PCSK5: variants seen among roughly 807,000 people sequenced by gnomAD.
PCSK5 encodes the protein proprotein convertase subtilisin/kexin type 5, also known as prohormone convertase 5.
PCSK5 carries 129 observed loss-of-function variants against 233.2 expected under a neutral mutation model. The ratio of observed to expected loss-of-function variants is 0.55; its 90% CI spans 0.48 to 0.64. The LOEUF is 0.64. Among genes scored for constraint, PCSK5 ranks in the 30% least tolerant of loss-of-function variants. The pLI, the probability that PCSK5 is intolerant of heterozygous loss-of-function variation, is 0.00. For synonymous variants in PCSK5, 825 were observed against 879.2 expected (o/e 0.94, Z 1.09); for missense variants, 2,076 against 2,430.1 (o/e 0.85, Z 3.06).
At chr9:76,046,428 G>A (rs1034858451) in intron 5 of PCSK5, among the ~76,000 whole-genome samples, 7 of 150,468 alleles carry the variant, frequency 4.7e-5, no homozygotes, top group Admixed American at 2.0e-4. Context: ...CGCCCGCCTC[G>A]GCCTCCCAAA....
intron 20 of PCSK5, among the ~76,000 whole-genome samples, chr9:76,204,737 C>T (rs1175130012): frequency 6.6e-6 from 1 of 152,156 alleles, no homozygotes; most frequent in Non-Finnish European, 1.5e-5. Context: ...GGCACAAATA[C>T]TAGCTCAGTA....
At chr9:76,111,342 CT>C (rs1832206619) in intron 9 of PCSK5, among the ~76,000 whole-genome samples, 1 of 152,110 alleles carries the variant, frequency 6.6e-6, no homozygotes, top group Non-Finnish European at 1.5e-5. Context: ...GTTGGAGCCT[CT>C]TTGGTTTGGG....
chr9:76,248,339 C>G (rs539833990), intron 24 of PCSK5, among the ~76,000 whole-genome samples: 2 of 152,052 alleles, frequency 1.3e-5, no homozygotes, highest in East Asian at 3.9e-4. Flanking sequence ...AAATGTAGGA[C>G]AATTAGAGCA....
At chr9:75,989,363 G>A (rs776077066) in intron 3 of PCSK5, among the ~76,000 whole-genome samples, 5 of 152,198 alleles carry the variant, frequency 3.3e-5, no homozygotes, top group South Asian at 2.1e-4. Flanking sequence ...ACGAGGTGGC[G>A]TGCTCCTGTG....
chr9:76,236,811 T>C (rs2131324004), intron 22 of PCSK5, among the ~76,000 whole-genome samples: 1 of 152,324 alleles, frequency 6.6e-6, no homozygotes, highest in East Asian at 1.9e-4. Context: ...TAAAGCCATG[T>C]CCAAACAATA....
intron 13 of PCSK5, among the ~76,000 whole-genome samples, chr9:76,174,759 G>T (rs548860735): frequency 1.9e-4 from 29 of 152,208 alleles, no homozygotes; most frequent in Admixed American, 3.9e-4. Context: ...TTAAATCAAG[G>T]CCTCTCTGGT....
intron 9 of PCSK5, among the ~76,000 whole-genome samples, chr9:76,116,989 G>A (rs920063620): frequency 2.4e-5 from 3 of 126,468 alleles, no homozygotes; most frequent in Admixed American, 8.4e-5. Flanking sequence ...GAGATATCGC[G>A]CCAACAAGTT....
chr9:76,027,562 GC>G (rs1828482040), intron 5 of PCSK5, among the ~76,000 whole-genome samples: 1 of 101,804 alleles, frequency 9.8e-6, no homozygotes, highest in Non-Finnish European at 1.9e-5. Context: ...CTTATTCCCC[GC>G]CCCCCGCCCA....
rs1235138903 is a variant in PCSK5, at chr9:76,359,951, AC to A, written c.*1030del. On this transcript the variant is annotated 3_prime_UTR_variant, in exon 38 of 38. Coordinates refer to ENST00000674117, the MANE Select transcript of PCSK5 (RefSeq NM_001372043.1). ...TCTAGCTGCTGACCAGCCTTCCAGCACTGCTCATCACTATGATTTTTGTTTC... is the reference window on the plus strand; with the variant it reads ...TCTAGCTGCTGACCAGCCTTCCAGCATGCTCATCACTATGATTTTTGTTTC... 6.6e-6 allele frequency: 1 copy of A among 151,896 alleles called. No individual in the cohort carries two copies. The allele number at this position is 151,896 out of a possible 1,614,324, so 9.4% of individuals were successfully genotyped here.
intron 9 of PCSK5, among the ~76,000 whole-genome samples, chr9:76,109,095 C>T (rs868022187): frequency 6.6e-6 from 1 of 152,188 alleles, no homozygotes; most frequent in Non-Finnish European, 1.5e-5. Context: ...TTGGGTTTAG[C>T]AAGGAACTGG....
chr9:76,292,999 A>G (rs1053077917), intron 25 of PCSK5, among the ~76,000 whole-genome samples: 32 of 152,322 alleles, frequency 2.1e-4, no homozygotes, highest in African/African-American at 7.2e-4. Context: ...CATTTTATTG[A>G]GATTGTCAGA....
chr9:76,029,975 T>C (rs1477729063), intron 5 of PCSK5, among the ~76,000 whole-genome samples: 1 of 152,198 alleles, frequency 6.6e-6, no homozygotes, highest in African/African-American at 2.4e-5. Context: ...TATATTGCCA[T>C]AAGTTAAGAA....
chr9:75,946,882 C>T (rs543449182), intron 2 of PCSK5, among the ~76,000 whole-genome samples: 2 of 152,320 alleles, frequency 1.3e-5, no homozygotes, highest in South Asian at 4.1e-4. Flanking sequence ...GCCACCGCGC[C>T]CAGCCAATAT....
chr9:76,181,188 GA>G, intron 15 of PCSK5, among the ~76,000 whole-genome samples: 1 of 152,322 alleles, frequency 6.6e-6, no homozygotes, highest in Non-Finnish European at 1.5e-5. Flanking sequence ...GTCCTTGGTA[GA>G]TTTGGTGTTG....
chr9:76,218,609 C>T (rs1392411602), intron 20 of PCSK5, among the ~76,000 whole-genome samples: 1 of 152,164 alleles, frequency 6.6e-6, no homozygotes, highest in Non-Finnish European at 1.5e-5. Context: ...CTCTGTCATC[C>T]ATTCTTCTGG....
At chr9:76,357,991 G>T (rs908367938) in intron 37 of PCSK5, among the ~76,000 whole-genome samples, 10 of 152,168 alleles carry the variant, frequency 6.6e-5, no homozygotes, top group African/African-American at 1.2e-4. Context: ...AATAACTAAA[G>T]CTTAGTCCAA....
intron 35 of PCSK5, among the ~76,000 whole-genome samples, chr9:76,342,313 A>G (rs1424855301): frequency 6.6e-6 from 1 of 152,176 alleles, no homozygotes; most frequent in African/African-American, 2.4e-5. Context: ...GTGGGATGGC[A>G]GGAGGGATAC....
At chr9:75,969,700 C>T (rs1406498880) in intron 2 of PCSK5, among the ~76,000 whole-genome samples, 1 of 152,078 alleles carries the variant, frequency 6.6e-6, no homozygotes, top group African/African-American at 2.4e-5. Context: ...ACATGGTGGA[C>T]ATTCCTGTGC....
chr9:76,344,230 T>A (rs1450090278), intron 35 of PCSK5, among the ~76,000 whole-genome samples: 1 of 152,074 alleles, frequency 6.6e-6, no homozygotes, highest in Non-Finnish European at 1.5e-5. Flanking sequence ...CTTCCTCAGA[T>A]AAAATCTGAG....
Sources: gnomAD v4.1 joint callset for allele counts (sites outside exome capture counted in the v4.1 genomes callset) on GRCh38, gnomAD v4.1.1 for gene constraint, MANE v1.5 for transcripts, NCBI Gene and HGNC (gene_info 2026-07-23, HGNC 2026-07-21) for gene names.